Variants in BBS9 observed in about 807,000 individuals in gnomAD.
BBS9 encodes the protein protein PTHB1.
In BBS9, 89 loss-of-function variants were observed where a neutral mutation model predicts 117.7. The observed-to-expected ratio is 0.76, with a 90% CI of 0.64 to 0.90. The LOEUF (loss-of-function observed/expected upper bound fraction) is 0.90. Ranked by LOEUF, BBS9 falls within the 40% of genes least tolerant of loss-of-function variation. The pLI is 0.00. For missense variants in BBS9, 982 were observed against 1,042.2 expected (o/e 0.94, Z 0.80); for synonymous variants, 379 against 370.9 (o/e 1.02, Z -0.25).
At chr7:33,552,331 G>A (rs761766091) in intron 21 of BBS9, among the ~76,000 whole-genome samples, 57 of 151,998 alleles carry the variant, frequency 3.8e-4, no homozygotes, top group Non-Finnish European at 6.8e-4. Context: ...AATCACTTAC[G>A]TGAACATTAT....
At chr7:33,485,932 C>CT (rs1342123464) in intron 19 of BBS9, among the ~76,000 whole-genome samples, 3 of 152,178 alleles carry the variant, frequency 2.0e-5, no homozygotes, top group Non-Finnish European at 2.9e-5. Context: ...AATCCAGTGC[C>CT]TGATGACTCA....
At chr7:33,164,842 T>C (rs1263651685) in intron 4 of BBS9, among the ~76,000 whole-genome samples, 1 of 152,192 alleles carries the variant, frequency 6.6e-6, no homozygotes, top group African/African-American at 2.4e-5. Context: ...AAGGTTAATA[T>C]TGTTATGTGT....
intron 21 of BBS9, among the ~76,000 whole-genome samples, chr7:33,632,653 G>A (rs1257823565): frequency 1.3e-5 from 2 of 152,006 alleles, no homozygotes; most frequent in African/African-American, 4.8e-5. Context: ...GCCCAGCCCC[G>A]GGGACTCCAG....
intron 21 of BBS9, among the ~76,000 whole-genome samples, chr7:33,543,700 A>T (rs1852789104): frequency 6.6e-6 from 1 of 152,152 alleles, no homozygotes; most frequent in African/African-American, 2.4e-5. Flanking sequence ...TTTTGCGATG[A>T]ATTTCCCAGG....
chr7:33,337,040 C>T (rs1198760326), intron 10 of BBS9, among the ~76,000 whole-genome samples: 1 of 152,054 alleles, frequency 6.6e-6, no homozygotes, highest in Non-Finnish European at 1.5e-5. Flanking sequence ...TACCATTTTG[C>T]TACTAAAAAT....
At chr7:33,329,095 A>G (rs1813445877) in intron 9 of BBS9, among the ~76,000 whole-genome samples, 1 of 151,922 alleles carries the variant, frequency 6.6e-6, no homozygotes, top group Non-Finnish European at 1.5e-5. Flanking sequence ...ATCTCAGCTC[A>G]CTGCAACCTC....
chr7:33,417,925 C>T (rs915782792), intron 19 of BBS9, among the ~76,000 whole-genome samples: 4 of 152,026 alleles, frequency 2.6e-5, no homozygotes, highest in African/African-American at 7.2e-5. Context: ...TCTTTTTTAC[C>T]AAGGGTTAAG....
intron 19 of BBS9, among the ~76,000 whole-genome samples, chr7:33,402,477 C>T (rs1344607764): frequency 6.6e-6 from 1 of 152,146 alleles, no homozygotes; most frequent in African/African-American, 2.4e-5. Flanking sequence ...ACCATTCCCC[C>T]AAAAGCCCCC....
intron 21 of BBS9, among the ~76,000 whole-genome samples, chr7:33,578,225 A>C (rs1282326148): frequency 6.6e-6 from 1 of 152,192 alleles, no homozygotes; most frequent in Non-Finnish European, 1.5e-5. Context: ...TATTACCACC[A>C]GTGTGTAGAG....
chr7:33,147,457 T>G (rs1473871904), intron 2 of BBS9, among the ~76,000 whole-genome samples: 1 of 152,212 alleles, frequency 6.6e-6, no homozygotes, highest in Non-Finnish European at 1.5e-5. Flanking sequence ...AGTACTAAAC[T>G]GCACAGAGCA....
intron 9 of BBS9, among the ~76,000 whole-genome samples, chr7:33,296,031 A>G (rs968037575): frequency 1.3e-5 from 2 of 152,142 alleles, no homozygotes; most frequent in African/African-American, 4.8e-5. Flanking sequence ...TCAATGGCCT[A>G]TTAATCACAG....
intron 19 of BBS9, among the ~76,000 whole-genome samples, chr7:33,401,911 T>C (rs76117960): frequency 0.11 from 16,349 of 152,236 alleles, 1,115 homozygotes; most frequent in East Asian, 0.18. Context: ...AATATTTTGA[T>C]TTCCTTCCTT....
chr7:33,334,740 A>G (rs1388351501), intron 9 of BBS9, among the ~76,000 whole-genome samples: 1 of 152,188 alleles, frequency 6.6e-6, no homozygotes, highest in Non-Finnish European at 1.5e-5. Context: ...ATCTAGTCTT[A>G]CCTTCTCATT....
At chr7:33,444,561 A>G (rs1836708156) in intron 19 of BBS9, among the ~76,000 whole-genome samples, 1 of 152,238 alleles carries the variant, frequency 6.6e-6, no homozygotes, top group Admixed American at 6.5e-5. Flanking sequence ...GCTGATTTGC[A>G]ATAGTTAAAT....
chr7:33,535,438 T>C (rs1402333075), intron 21 of BBS9, among the ~76,000 whole-genome samples: 1 of 152,254 alleles, frequency 6.6e-6, no homozygotes, highest in Non-Finnish European at 1.5e-5. Flanking sequence ...TTCTATATTC[T>C]ATGATTTGAA....
In BBS9 at chr7:33,388,035, G is replaced by A. The variant is rs760467259; in HGVS notation, c.2006G>A (p.Arg669Lys). The A allele has an allele frequency of 2.0e-5, 32 of 1,613,994 alleles. No individual in the cohort carries two copies. In the South Asian group the frequency reaches 3.4e-4, roughly 17 times the overall value. The change falls in exon 19 of 23, where the codon AGA (arginine) becomes AAA (lysine). Residue 669 changes from arginine to lysine, a missense_variant. Coordinates refer to ENST00000242067, the MANE Select transcript of BBS9 (RefSeq NM_198428.3). The stretch of plus-strand genomic sequence containing the variant: ...AAATTAGAAGAACTCTTATCTGAGA[G>A]AGCTGTACAATTTCGGGCCATTCAA... Reference protein sequence around the residue: ...GEKLEELLSERAVQFRAIQRR... With the variant: ...GEKLEELLSEKAVQFRAIQRR...
chr7:33,225,270 T>A, intron 5 of BBS9, among the ~76,000 whole-genome samples: 1 of 152,188 alleles, frequency 6.6e-6, no homozygotes, highest in African/African-American at 2.4e-5. Context: ...TAATCACAGC[T>A]CACTGTGGCC....
At chr7:33,527,098 T>G (rs1362422910) in intron 20 of BBS9, among the ~76,000 whole-genome samples, 1 of 152,116 alleles carries the variant, frequency 6.6e-6, no homozygotes, top group East Asian at 1.9e-4. Context: ...GGAGGCAGTC[T>G]GCCTCTTCTC....
intron 5 of BBS9, among the ~76,000 whole-genome samples, chr7:33,208,055 C>T (rs1327739302): frequency 2.0e-5 from 3 of 152,110 alleles, no homozygotes; most frequent in African/African-American, 4.8e-5. Flanking sequence ...GTGATCCACC[C>T]GCCTTGGCCT....
Sources: allele counts gnomAD v4.1 joint callset (sites outside exome capture counted in the v4.1 genomes callset), GRCh38; gene constraint gnomAD v4.1.1; transcripts MANE v1.5; gene names NCBI Gene and HGNC (gene_info 2026-07-23, HGNC 2026-07-21).